Variants in SOX5 observed in about 807,000 individuals in gnomAD.
SOX5 encodes transcription factor SOX-5.
SOX5 carries 9 observed loss-of-function variants against 92.0 expected under a neutral mutation model. The observed-to-expected ratio is 0.10, with a 90% CI of 0.06 to 0.17. SOX5 has a LOEUF of 0.17. SOX5 is among the 10% of genes least tolerant of loss of function. The pLI is 1.00. For synonymous variants in SOX5, 344 were observed against 336.3 expected, an observed-to-expected ratio of 1.02 and a Z score of -0.25; for missense variants, 642 against 944.5, an observed-to-expected ratio of 0.68 and a Z score of 4.20.
At chr12:23,987,449 T>C (rs1403170247) in intron 4 of SOX5, among the ~76,000 whole-genome samples, 4 of 152,088 alleles carry the variant, frequency 2.6e-5, no homozygotes, top group African/African-American at 9.7e-5. Context: ...TGGAGCATAG[T>C]AGGGTAGCAG....
intron 1 of SOX5, among the ~76,000 whole-genome samples, chr12:24,419,393 G>A (rs1472910361): frequency 1.3e-5 from 2 of 152,158 alleles, no homozygotes; most frequent in Non-Finnish European, 2.9e-5. Flanking sequence ...GCCTGCCTTG[G>A]CCTCCCAATG....
chr12:24,175,336 AAT>A (rs1460888726), intron 4 of SOX5, among the ~76,000 whole-genome samples: 1 of 152,238 alleles, frequency 6.6e-6, no homozygotes, highest in African/African-American at 2.4e-5. Context: ...CCAAAACAAA[AAT>A]AAAACTGGGA....
chr12:24,273,371 A>G, intron 3 of SOX5, among the ~76,000 whole-genome samples: 1 of 152,244 alleles, frequency 6.6e-6, no homozygotes, highest in East Asian at 1.9e-4. Context: ...AATTTCCTTT[A>G]TAGTTATAGA....
chr12:24,416,249 C>T (rs938456268), intron 1 of SOX5, among the ~76,000 whole-genome samples: 7 of 152,202 alleles, frequency 4.6e-5, no homozygotes, highest in Non-Finnish European at 7.3e-5. Flanking sequence ...ATCCACAGCT[C>T]GGTCAGTCCT....
At chr12:23,942,573 C>T (rs1452107478) in intron 1 of SOX5, among the ~76,000 whole-genome samples, 1 of 151,734 alleles carries the variant, frequency 6.6e-6, no homozygotes. Flanking sequence ...TGAGAGGACA[C>T]ATCCTTTATA....
intron 3 of SOX5, among the ~76,000 whole-genome samples, chr12:23,831,264 T>C (rs1181929146): frequency 1.3e-5 from 2 of 152,136 alleles, no homozygotes; most frequent in Non-Finnish European, 2.9e-5. Context: ...GAAACAATAA[T>C]GTTGATTTTT....
At chr12:24,067,852 A>T (rs1941023563) in intron 4 of SOX5, among the ~76,000 whole-genome samples, 1 of 152,202 alleles carries the variant, frequency 6.6e-6, no homozygotes, top group African/African-American at 2.4e-5. Flanking sequence ...TCTTTAAAAA[A>T]CTTCAAGGGA....
chr12:24,501,388 A>T (rs1020196967), intron 1 of SOX5, among the ~76,000 whole-genome samples: 1 of 152,130 alleles, frequency 6.6e-6, no homozygotes, highest in African/African-American at 2.4e-5. Context: ...AAAAAAAAAA[A>T]AAAATATGTA....
chr12:23,949,910 C>G (rs1945321023), upstream of SOX5, among the ~76,000 whole-genome samples: 1 of 151,536 alleles, frequency 6.6e-6, no homozygotes, highest in Non-Finnish European at 1.5e-5. Context: ...GAGCCACACG[C>G]TCCGGCTGCA....
intron 4 of SOX5, among the ~76,000 whole-genome samples, chr12:23,975,294 A>G (rs1250208412): frequency 6.6e-6 from 1 of 152,124 alleles, no homozygotes; most frequent in African/African-American, 2.4e-5. Context: ...AATAAACCAA[A>G]CCAGAACTTT....
intron 2 of SOX5, among the ~76,000 whole-genome samples, chr12:24,353,846 G>T (rs1198524060): frequency 1.3e-5 from 2 of 151,640 alleles, no homozygotes; most frequent in Non-Finnish European, 2.9e-5. Flanking sequence ...TCACCATGTT[G>T]GCCAGTCTGG....
intron 1 of SOX5, among the ~76,000 whole-genome samples, chr12:23,930,123 C>T (rs774519245): frequency 3.3e-5 from 5 of 151,774 alleles, no homozygotes; most frequent in African/African-American, 1.2e-4. Context: ...AATGTAACTG[C>T]GTTACTGAGT....
chr12:23,742,314 AAAG>A (rs1312686170), intron 4 of SOX5, among the ~76,000 whole-genome samples: 1 of 152,180 alleles, frequency 6.6e-6, no homozygotes, highest in Non-Finnish European at 1.5e-5. Flanking sequence ...AATATTCAGA[AAAG>A]AAAATGTGTG....
intron 4 of SOX5, among the ~76,000 whole-genome samples, chr12:24,186,408 G>A (rs1956021225): frequency 6.6e-6 from 1 of 152,090 alleles, no homozygotes; most frequent in Non-Finnish European, 1.5e-5. Context: ...TTTTGTATCT[G>A]CTGTTTAACT....
intron 4 of SOX5, among the ~76,000 whole-genome samples, chr12:24,113,351 C>A (rs1435250918): frequency 1.3e-5 from 2 of 149,074 alleles, no homozygotes; most frequent in African/African-American, 4.9e-5. Context: ...AAATGGTGAA[C>A]AACCCTTGGT....
chr12:23,795,063 A>T (rs2095538869), intron 3 of SOX5, among the ~76,000 whole-genome samples: 1 of 152,122 alleles, frequency 6.6e-6, no homozygotes, highest in Admixed American at 6.6e-5. Flanking sequence ...TTTTACTGGC[A>T]GATTTGACCA....
chr12:24,494,162 G>A (rs1947375991), intron 1 of SOX5, among the ~76,000 whole-genome samples: 1 of 152,108 alleles, frequency 6.6e-6, no homozygotes, highest in South Asian at 2.1e-4. Flanking sequence ...ATATACATAG[G>A]GTGTCTAGGT....
chr12:24,337,707 A>G (rs985557672), intron 2 of SOX5, among the ~76,000 whole-genome samples: 2 of 152,218 alleles, frequency 1.3e-5, no homozygotes, highest in Non-Finnish European at 2.9e-5. Context: ...CTTAAAAATG[A>G]CATTGCCATA....
intron 1 of SOX5, among the ~76,000 whole-genome samples, chr12:24,492,152 G>A (rs11047477): frequency 4.6e-5 from 7 of 152,168 alleles, no homozygotes; most frequent in Middle Eastern, 3.4e-3. Flanking sequence ...CTTCATATTC[G>A]CCTGTTAGCT....
Sources: allele counts gnomAD v4.1 joint callset (sites outside exome capture counted in the v4.1 genomes callset), GRCh38; gene constraint gnomAD v4.1.1; transcripts MANE v1.5; gene names NCBI Gene and HGNC (gene_info 2026-07-23, HGNC 2026-07-21).